The following ADCY9 variants were observed in gnomAD, a reference collection of about 807,000 sequenced individuals.
ADCY9 encodes the protein adenylate cyclase type 9.
Under a neutral mutation model 101.5 loss-of-function variants are expected in ADCY9, and 50 were observed. That is an observed-to-expected ratio of 0.49 (90% CI 0.39 to 0.62). The LOEUF is 0.62. Ranked by LOEUF, ADCY9 falls within the 20% of genes least tolerant of loss-of-function variation. ADCY9 has a pLI of 0.00. For synonymous variants in ADCY9, 905 were observed against 769.3 expected, an observed-to-expected ratio of 1.18 and a Z score of -2.92; for missense variants, 1,662 against 1,800.4, an observed-to-expected ratio of 0.92 and a Z score of 1.39.
intron 2 of ADCY9, among the ~76,000 whole-genome samples, chr16:4,018,298 C>A (rs919934983): frequency 2.4e-4 from 37 of 151,374 alleles, no homozygotes; most frequent in Non-Finnish European, 1.0e-4. Flanking sequence ...ACTGCAACCT[C>A]TGCCTCCCGG....
At chr16:3,973,496 C>T (rs1181248659) in intron 10 of ADCY9, among the ~76,000 whole-genome samples, 4 of 152,042 alleles carry the variant, frequency 2.6e-5, no homozygotes, top group African/African-American at 4.8e-5. Context: ...CATGAGCCAA[C>T]GTGCCTGGCC....
At chr16:3,977,015 C>A (rs1390351382) in intron 9 of ADCY9, among the ~76,000 whole-genome samples, 1 of 152,194 alleles carries the variant, frequency 6.6e-6, no homozygotes, top group Non-Finnish European at 1.5e-5. Flanking sequence ...TACGTCTTCA[C>A]CTCCTCCTTC....
At chr16:4,022,423 G>A (rs1019237941) in intron 2 of ADCY9, among the ~76,000 whole-genome samples, 14 of 144,156 alleles carry the variant, frequency 9.7e-5, no homozygotes, top group Non-Finnish European at 1.3e-4. Context: ...CCCGGGAAGC[G>A]GAGCTTGCAG....
In ADCY9 at chr16:4,056,347, G is replaced by A. The variant is rs187601511; in HGVS notation, c.1694-48789C>T. 1.7e-3 allele frequency among the ~76,000 whole-genome samples: 255 copies of A among 152,220 alleles called. 1 individual carries two copies. The highest frequency in any genetic ancestry group is 5.6e-3 in the African/African-American group (234 of 41,522). ...TCAGCTCACTGTAACCTCCGCTCCC[G>A]GGCTCCAGGGATTCTCCTGCCTCAG... is the stretch of plus-strand genomic sequence containing the variant. On this transcript the variant is annotated intron_variant, in intron 2 of 10. Transcript: ENST00000294016.
At chr16:4,101,543 T>C (rs1277298463) in intron 2 of ADCY9, among the ~76,000 whole-genome samples, 1 of 152,122 alleles carries the variant, frequency 6.6e-6, no homozygotes, top group Non-Finnish European at 1.5e-5. Context: ...CCTTCCAAAG[T>C]GCTGGGATTA....
At chr16:3,962,340 A>G (rs768212376), downstream of ADCY9, among the ~76,000 whole-genome samples, 3 of 152,212 alleles carry the variant, frequency 2.0e-5, no homozygotes, top group Non-Finnish European at 4.4e-5. Flanking sequence ...AAAACTATTT[A>G]GGAGGCCTGA....
intron 3 of ADCY9, 102 bp from the exon 4 acceptor site, chr16:3,993,612 TG>T: frequency 6.9e-7 from 1 of 1,457,412 alleles, no homozygotes; most frequent in East Asian, 2.3e-5. Context: ...CGCAGCATGG[TG>T]GTGAGCAAGG....
chr16:4,083,548 G>A (rs192152588), intron 2 of ADCY9, among the ~76,000 whole-genome samples: 2 of 152,286 alleles, frequency 1.3e-5, no homozygotes, highest in African/African-American at 2.4e-5. Flanking sequence ...ACAGGAAAAC[G>A]TGTCTGCCAA....
chr16:3,999,749 C>G lies in ADCY9; in HGVS notation c.1885-6239G>C, dbSNP rs145258053. Among the ~76,000 whole-genome samples, 146 of 152,358 alleles carry G rather than the reference C, an allele frequency of 9.6e-4. 2 individuals are homozygous for G. The South Asian group carries it at 0.019, about 20-fold the overall frequency. On this transcript the variant is annotated intron_variant, in intron 3 of 10. Coordinates refer to ENST00000294016, the MANE Select transcript of ADCY9 (RefSeq NM_001116.4). Reference sequence around the variant, plus strand: ...TCCGGATTATCTTTGCTCCTTCCCCCATGTGGACGTGGGCTTTGGAGGGAA... The same window carrying G: ...TCCGGATTATCTTTGCTCCTTCCCCGATGTGGACGTGGGCTTTGGAGGGAA...
intron 6 of ADCY9, among the ~76,000 whole-genome samples, chr16:3,986,775 G>A (rs939831916): frequency 1.3e-5 from 2 of 152,024 alleles, no homozygotes; most frequent in African/African-American, 4.8e-5. Flanking sequence ...TCTTCTTTTT[G>A]TTGGAAGAGA....
At chr16:4,043,156 G>A (rs866832548) in intron 2 of ADCY9, among the ~76,000 whole-genome samples, 2 of 152,180 alleles carry the variant, frequency 1.3e-5, no homozygotes, top group South Asian at 2.1e-4. Flanking sequence ...GCGTGAACCC[G>A]GGAGGCGGAG....
chr16:3,960,431 A>T (rs1364306362), downstream of ADCY9, among the ~76,000 whole-genome samples: 1 of 152,128 alleles, frequency 6.6e-6, no homozygotes, highest in Non-Finnish European at 1.5e-5. Context: ...CTGAGGCAGA[A>T]GAATCACTTG....
intron 2 of ADCY9, among the ~76,000 whole-genome samples, chr16:4,012,715 C>G (rs1046889472): frequency 1.3e-5 from 2 of 152,122 alleles, no homozygotes; most frequent in African/African-American, 4.8e-5. Flanking sequence ...AGTTAACGTT[C>G]TTAAGTATTC....
intron 10 of ADCY9, among the ~76,000 whole-genome samples, chr16:3,967,235 C>T (rs1227992656): frequency 6.6e-6 from 1 of 152,246 alleles, no homozygotes; most frequent in Non-Finnish European, 1.5e-5. Context: ...AGCAATTTTC[C>T]TGCCTTGGCC....
chr16:3,986,612 C>T (rs1047712250), intron 6 of ADCY9, among the ~76,000 whole-genome samples: 1 of 152,194 alleles, frequency 6.6e-6, no homozygotes, highest in Non-Finnish European at 1.5e-5. Flanking sequence ...CGCCCGCCAC[C>T]ATACCTGGCT....
In ADCY9 at chr16:3,984,208, T is replaced by A. The variant is rs571047213; in HGVS notation, c.2311-768A>T. The stretch of plus-strand genomic sequence containing the variant: ...GGCGCAGGTGAGGTCCCTGCATCTG[T>A]AAGGCAGTTGGACGAGAGCAATGTG... On this transcript the variant is annotated intron_variant, in intron 6 of 10. Coordinates refer to ENST00000294016, the MANE Select transcript of ADCY9 (RefSeq NM_001116.4). 9.2e-5 allele frequency: 14 copies of A among 152,362 alleles called. No homozygotes were observed. In the South Asian group the frequency reaches 1.0e-3, roughly 11 times the overall value. The allele number at this position is 152,362 out of a possible 1,614,324, so 9.4% of individuals were successfully genotyped here.
At chr16:4,056,404 C>G (rs1472631935) in intron 2 of ADCY9, among the ~76,000 whole-genome samples, 1 of 152,128 alleles carries the variant, frequency 6.6e-6, no homozygotes, top group African/African-American at 2.4e-5. Context: ...TAGGCGTGCA[C>G]CACCACACTT....
At chr16:3,998,326 G>A (rs1241792723) in intron 3 of ADCY9, among the ~76,000 whole-genome samples, 1 of 152,090 alleles carries the variant, frequency 6.6e-6, no homozygotes. Flanking sequence ...TGGGAGGGTC[G>A]CTTGAGCCCA....
chr16:4,025,709 C>G (rs2056510367), intron 2 of ADCY9, among the ~76,000 whole-genome samples: 1 of 152,186 alleles, frequency 6.6e-6, no homozygotes, highest in Non-Finnish European at 1.5e-5. Context: ...GCAGAGAAGG[C>G]AGAACCCGCA....
Sources: allele counts gnomAD v4.1 joint callset (sites outside exome capture counted in the v4.1 genomes callset), GRCh38; gene constraint gnomAD v4.1.1; transcripts MANE v1.5; gene names NCBI Gene and HGNC (gene_info 2026-07-23, HGNC 2026-07-21).